SH2D4A: variants seen among roughly 807,000 people sequenced by gnomAD.
The protein encoded by SH2D4A is SH2 domain containing 4A, also known as SH2 domain-containing protein 4A.
A neutral mutation model predicts 64.7 loss-of-function variants in SH2D4A; 70 were observed. The observed-to-expected ratio is 1.08, with a 90% CI of 0.89 to 1.32. SH2D4A has a LOEUF of 1.32. SH2D4A is among the 40% of genes most tolerant of loss of function. SH2D4A has a pLI of 0.00. For missense variants in SH2D4A, 706 were observed against 540.1 expected (o/e 1.31, Z -3.04); for synonymous variants, 268 against 200.7 (o/e 1.34, Z -2.83).
At chr8:19,328,337 T>C (rs538154103) in intron 2 of SH2D4A, among the ~76,000 whole-genome samples, 140 of 152,232 alleles carry the variant, frequency 9.2e-4, no homozygotes, top group African/African-American at 3.1e-3. Flanking sequence ...AAAAATAACG[T>C]AGTCTACGCT....
At chr8:19,384,950 T>C (rs2053359778) in intron 8 of SH2D4A, among the ~76,000 whole-genome samples, 1 of 152,190 alleles carries the variant, frequency 6.6e-6, no homozygotes, top group Admixed American at 6.5e-5. Flanking sequence ...AATTCACATA[T>C]TTGCTTTATG....
In SH2D4A at chr8:19,334,871, G is replaced by T; in HGVS notation, c.513+14G>T. On this transcript the variant is annotated intron_variant, in intron 4 of 9. Coordinates refer to ENST00000265807, the MANE Select transcript of SH2D4A (RefSeq NM_022071.4). ...GAGAAAATCCGAGTGAGTCCTTACT[G>T]TCTGTAGACGTGCGGAATTTCATCA... 6.3e-7 allele frequency: 1 copy of T among 1,583,722 alleles called. No individual in the cohort carries two copies. Among genetic ancestry groups the T allele is most frequent in the Non-Finnish European group, 8.6e-7 (1 of 1,168,868 alleles).
intron 5 of SH2D4A, 44 bp from the exon 6 acceptor site, chr8:19,361,159 T>C: frequency 8.1e-7 from 1 of 1,239,094 alleles, no homozygotes; most frequent in East Asian, 2.5e-5. Context: ...GTTCTTTTTT[T>C]GTTTTGTTTT....
chr8:19,334,964 T>G (rs897869457), intron 4 of SH2D4A, 107 bp downstream of exon 4: 1 of 1,311,612 alleles, frequency 7.6e-7, no homozygotes, highest in Non-Finnish European at 1.0e-6. Context: ...TCCAGTGGCT[T>G]TCTTGGGAGA....
intron 6 of SH2D4A, 98 bp downstream of exon 6, chr8:19,361,412 T>G: frequency 1.6e-6 from 2 of 1,212,134 alleles, no homozygotes; most frequent in South Asian, 2.3e-5. Flanking sequence ...TGTGGGTTGT[T>G]GAGAGATATG....
intron 2 of SH2D4A, among the ~76,000 whole-genome samples, chr8:19,322,034 C>T (rs1273064745): frequency 1.3e-5 from 2 of 152,180 alleles, no homozygotes; most frequent in Non-Finnish European, 2.9e-5. Context: ...CTATCAATAT[C>T]TCACGTCAAA....
In SH2D4A at chr8:19,346,236, A is replaced by G. The variant is rs368932510; in HGVS notation, c.514-10967A>G. On this transcript the variant is annotated intron_variant, in intron 4 of 9. Coordinates refer to ENST00000265807, the MANE Select transcript of SH2D4A (RefSeq NM_022071.4). ...AGGCAGGAGCCCCTATCCCTGGGGT[A>G]CCATTGGTCTGTGATCTGTTAGGAA... 1.5e-3 allele frequency among the ~76,000 whole-genome samples: 234 copies of G among 152,296 alleles called. 3 individuals are homozygous for G. In the South Asian group the frequency reaches 0.047, roughly 31 times the overall value.
intron 7 of SH2D4A, among the ~76,000 whole-genome samples, chr8:19,369,312 CTT>C (rs1373453654): frequency 1.3e-5 from 2 of 151,800 alleles, no homozygotes; most frequent in Non-Finnish European, 1.5e-5. Context: ...TTTGTTGTGT[CTT>C]TGTCTGGTTT....
chr8:19,335,150 T>A (rs1035194535), intron 4 of SH2D4A, among the ~76,000 whole-genome samples: 1 of 151,282 alleles, frequency 6.6e-6, no homozygotes. Flanking sequence ...TAGCTGGGCG[T>A]GGTGGCGGGC....
intron 5 of SH2D4A, 132 bp downstream of exon 5, chr8:19,357,415 G>C (rs938538349): frequency 1.4e-6 from 1 of 717,340 alleles, no homozygotes; most frequent in African/African-American, 1.8e-5. Flanking sequence ...CCTAAAAGCT[G>C]CAAACACAGT....
chr8:19,385,431 C>T (rs1347407621), intron 8 of SH2D4A, among the ~76,000 whole-genome samples: 1 of 152,140 alleles, frequency 6.6e-6, no homozygotes, highest in African/African-American at 2.4e-5. Flanking sequence ...GAACTTCTGA[C>T]TTCAAGTGAT....
intron 2 of SH2D4A, among the ~76,000 whole-genome samples, chr8:19,324,801 T>C (rs548103875): frequency 6.6e-6 from 1 of 152,272 alleles, no homozygotes; most frequent in African/African-American, 2.4e-5. Flanking sequence ...CACCATTCTG[T>C]GTATAATCTC....
intron 7 of SH2D4A, among the ~76,000 whole-genome samples, chr8:19,371,552 A>T: frequency 6.6e-6 from 1 of 152,118 alleles, no homozygotes; most frequent in African/African-American, 2.4e-5. Context: ...GGGTATTCCT[A>T]TGTAGGTTGA....
At chr8:19,390,804 T>G (rs1026360791) in intron 8 of SH2D4A, among the ~76,000 whole-genome samples, 2 of 152,178 alleles carry the variant, frequency 1.3e-5, no homozygotes, top group Non-Finnish European at 2.9e-5. Context: ...CCAAGATCTA[T>G]GCGTAAGGCT....
At chr8:19,372,211 T>C (rs1479649412) in intron 7 of SH2D4A, among the ~76,000 whole-genome samples, 1 of 152,198 alleles carries the variant, frequency 6.6e-6, no homozygotes, top group Non-Finnish European at 1.5e-5. Context: ...CTTAGAATTC[T>C]TAAATTGTTT....
At chr8:19,351,840 G>C (rs56238267) in intron 4 of SH2D4A, among the ~76,000 whole-genome samples, 3 of 151,948 alleles carry the variant, frequency 2.0e-5, no homozygotes, top group African/African-American at 7.3e-5. Context: ...CTGGAGTGCA[G>C]TGGTGAGATC....
intron 3 of SH2D4A, among the ~76,000 whole-genome samples, chr8:19,333,358 A>G (rs1250268464): frequency 6.6e-6 from 1 of 152,154 alleles, no homozygotes; most frequent in Non-Finnish European, 1.5e-5. Flanking sequence ...AGACCTCATG[A>G]AAATCTTTAG....
At chr8:19,331,077 G>A (rs984439124) in intron 2 of SH2D4A, among the ~76,000 whole-genome samples, 15 of 152,290 alleles carry the variant, frequency 9.8e-5, no homozygotes, top group African/African-American at 3.6e-4. Context: ...GTCTGAGTCT[G>A]TTCCCTCTGC....
At chr8:19,346,426 C>T (rs2052614171) in intron 4 of SH2D4A, among the ~76,000 whole-genome samples, 2 of 152,190 alleles carry the variant, frequency 1.3e-5, no homozygotes, top group African/African-American at 4.8e-5. Flanking sequence ...TCATGAGAAT[C>T]TAATGCCTGA....
Sources: gnomAD v4.1 joint callset for allele counts (sites outside exome capture counted in the v4.1 genomes callset) on GRCh38, gnomAD v4.1.1 for gene constraint, MANE v1.5 for transcripts, NCBI Gene and HGNC (gene_info 2026-07-23, HGNC 2026-07-21) for gene names.